The following IGSF21 variants were observed in gnomAD, a reference collection of about 807,000 sequenced individuals.
IGSF21 encodes immunoglobin superfamily member 21.
Under a neutral mutation model 46.8 loss-of-function variants are expected in IGSF21, and 28 were observed. The observed-to-expected ratio is 0.60, with a 90% CI of 0.44 to 0.82. IGSF21 has a LOEUF of 0.82. Ranked by LOEUF, IGSF21 falls within the 40% of genes least tolerant of loss-of-function variation. IGSF21 has a pLI of 0.00. For synonymous variants in IGSF21, 284 were observed against 273.6 expected, an observed-to-expected ratio of 1.04 and a Z score of -0.38; for missense variants, 624 against 665.5, an observed-to-expected ratio of 0.94 and a Z score of 0.69.
At chr1:18,326,044 C>T (rs564763768) in intron 3 of IGSF21, among the ~76,000 whole-genome samples, 1 of 152,322 alleles carries the variant, frequency 6.6e-6, no homozygotes, top group East Asian at 1.9e-4. Flanking sequence ...GCCCATGCCC[C>T]CCCCTTTTTT....
At chr1:18,362,847 G>C (rs912084224) in intron 5 of IGSF21, among the ~76,000 whole-genome samples, 1 of 152,158 alleles carries the variant, frequency 6.6e-6, no homozygotes, top group African/African-American at 2.4e-5. Flanking sequence ...CTCTTGAAGG[G>C]GGTGGGGCAG....
intron 3 of IGSF21, among the ~76,000 whole-genome samples, chr1:18,318,963 C>T (rs2085572508): frequency 6.6e-6 from 1 of 152,278 alleles, no homozygotes; most frequent in African/African-American, 2.4e-5. Flanking sequence ...GGAATGACCT[C>T]TTCCTTCCCT....
intron 2 of IGSF21, among the ~76,000 whole-genome samples, chr1:18,284,894 C>CGATCGAGACCATCCCGGCTAA (rs1553160638): frequency 6.6e-6 from 1 of 152,114 alleles, no homozygotes; most frequent in Non-Finnish European, 1.5e-5. Flanking sequence ...ACCCTCCTTG[C>CGATCGAGACCATCCCGGCTAA]AAACACTCTC....
chr1:18,287,924 C>A (rs1303583024), intron 2 of IGSF21, among the ~76,000 whole-genome samples: 1 of 152,128 alleles, frequency 6.6e-6, no homozygotes, highest in African/African-American at 2.4e-5. Flanking sequence ...GCTCTCCAGC[C>A]CCATAGACAG....
At chr1:18,129,789 G>A (rs1181640851) in intron 1 of IGSF21, among the ~76,000 whole-genome samples, 2 of 152,196 alleles carry the variant, frequency 1.3e-5, no homozygotes, top group Admixed American at 6.5e-5. Flanking sequence ...GTATTAAAAG[G>A]TGGGACTGTT....
chr1:18,152,721 C>T (rs2086531938), intron 1 of IGSF21, among the ~76,000 whole-genome samples: 1 of 152,074 alleles, frequency 6.6e-6, no homozygotes, highest in South Asian at 2.1e-4. Context: ...GAAGTTTTGC[C>T]CTTCTCATCA....
intron 1 of IGSF21, among the ~76,000 whole-genome samples, chr1:18,216,235 G>C (rs1003534983): frequency 1.3e-5 from 2 of 152,132 alleles, no homozygotes; most frequent in African/African-American, 2.4e-5. Flanking sequence ...AACAGCACAG[G>C]GAAAAATAAT....
intron 3 of IGSF21, among the ~76,000 whole-genome samples, chr1:18,321,894 A>G (rs1056163055): frequency 6.6e-6 from 1 of 152,238 alleles, no homozygotes; most frequent in South Asian, 2.1e-4. Context: ...TGTAAGCAAC[A>G]TCCCTGTGAC....
At chr1:18,136,766 T>G (rs563189669) in intron 1 of IGSF21, among the ~76,000 whole-genome samples, 7,131 of 152,174 alleles carry the variant, frequency 0.047, 552 homozygotes, top group African/African-American at 0.16. Flanking sequence ...ATATGAACTT[T>G]AAAGTAGTAT....
chr1:18,217,116 C>A (rs2084457233), intron 1 of IGSF21, among the ~76,000 whole-genome samples: 1 of 152,096 alleles, frequency 6.6e-6, no homozygotes, highest in Non-Finnish European at 1.5e-5. Context: ...GGAGCTGCTG[C>A]CAACCACCTG....
At chr1:18,254,297 T>C (rs1268779269) in intron 2 of IGSF21, among the ~76,000 whole-genome samples, 1 of 145,038 alleles carries the variant, frequency 6.9e-6, no homozygotes, top group African/African-American at 2.8e-5. Context: ...GGCCCCCATT[T>C]CCCTCTTTTT....
chr1:18,260,519 T>G (rs1163997417), intron 2 of IGSF21, among the ~76,000 whole-genome samples: 1 of 152,238 alleles, frequency 6.6e-6, no homozygotes, highest in Non-Finnish European at 1.5e-5. Flanking sequence ...GCACCCATAG[T>G]CATAGTGCAG....
chr1:18,257,412 T>G (rs2084902339), intron 2 of IGSF21, among the ~76,000 whole-genome samples: 1 of 152,326 alleles, frequency 6.6e-6, no homozygotes, highest in East Asian at 1.9e-4. Flanking sequence ...TTTATATATA[T>G]AAATCATATT....
chr1:18,204,905 T>A (rs908834274), intron 1 of IGSF21, among the ~76,000 whole-genome samples: 1 of 152,224 alleles, frequency 6.6e-6, no homozygotes, highest in Non-Finnish European at 1.5e-5. Context: ...TACAAATACC[T>A]TCCTTACAGT....
chr1:18,302,127 C>T (rs2124576249), intron 3 of IGSF21, among the ~76,000 whole-genome samples: 2 of 151,072 alleles, frequency 1.3e-5, no homozygotes, highest in Middle Eastern at 6.8e-3. Flanking sequence ...TCTCCTTCTT[C>T]AGGGGCTGCC....
intron 1 of IGSF21, 122 bp from the exon 2 acceptor site, chr1:18,227,776 T>C: frequency 2.9e-6 from 2 of 696,562 alleles, no homozygotes; most frequent in East Asian, 2.6e-5. Flanking sequence ...TCCCTCAAAG[T>C]TGTGCAACTA....
At chr1:18,143,832 G>T (rs1478436145) in intron 1 of IGSF21, among the ~76,000 whole-genome samples, 1 of 152,154 alleles carries the variant, frequency 6.6e-6, no homozygotes, top group Non-Finnish European at 1.5e-5. Context: ...GGAGCTCTTA[G>T]GTGGTAGGGG....
At chr1:18,289,903 G>A (rs984959825) in intron 2 of IGSF21, among the ~76,000 whole-genome samples, 9 of 152,168 alleles carry the variant, frequency 5.9e-5, no homozygotes, top group Non-Finnish European at 1.2e-4. Flanking sequence ...TGGGTGAGGC[G>A]GGGATGGGAA....
At position 18,131,416 on chromosome 1, in the gene IGSF21, C is replaced by T. The variant is rs71643491; in HGVS notation, c.70+23218C>T. ...GAGGCAGTTTCAAATCCTGGCCCAC[C>T]GCCTACAAGCTGTGTGATGCTGGGC... is the stretch of plus-strand genomic sequence containing the variant. On this transcript the variant is annotated intron_variant, in intron 1 of 9. Transcript: ENST00000251296. 5.9e-5 allele frequency among the ~76,000 whole-genome samples: 9 copies of T among 152,236 alleles called. No homozygotes were observed. In the South Asian group the frequency reaches 6.2e-4, roughly 11 times the overall value.
Sources: allele counts gnomAD v4.1 joint callset (sites outside exome capture counted in the v4.1 genomes callset), GRCh38; gene constraint gnomAD v4.1.1; transcripts MANE v1.5; gene names NCBI Gene and HGNC (gene_info 2026-07-23, HGNC 2026-07-21).